Variants in MARCO observed in about 807,000 individuals in gnomAD.
The protein encoded by MARCO is macrophage receptor MARCO.
MARCO carries 72 observed loss-of-function variants against 70.0 expected under a neutral mutation model. The ratio of observed to expected loss-of-function variants is 1.03; its 90% CI spans 0.85 to 1.25. The LOEUF (loss-of-function observed/expected upper bound fraction) is 1.25, where lower values mean the gene tolerates loss of function less well. Among genes scored for constraint, MARCO ranks in the 50% most tolerant of loss-of-function variants. The probability of loss-of-function intolerance (pLI) is 0.00; values close to 1 mark genes in which losing one functional copy is unlikely to be tolerated. For synonymous variants in MARCO, 273 were observed against 243.1 expected (o/e 1.12, Z -1.14); for missense variants, 696 against 659.3 (o/e 1.06, Z -0.61).
chr2:118,957,994 T>C (rs1184178809), intron 1 of MARCO, among the ~76,000 whole-genome samples: 3 of 151,936 alleles, frequency 2.0e-5, no homozygotes, highest in South Asian at 4.2e-4. Context: ...ATACAAGGGA[T>C]ATACCTTAAT....
intron 1 of MARCO, among the ~76,000 whole-genome samples, chr2:118,957,015 A>G (rs1234336367): frequency 1.3e-5 from 2 of 152,034 alleles, no homozygotes; most frequent in Non-Finnish European, 2.9e-5. Flanking sequence ...GAAAGTTCAT[A>G]CTCCTAAAGA....
In MARCO at chr2:118,994,390, C is replaced by G. The variant is rs1409481585; in HGVS notation, c.1433C>G (p.Thr478Ser). ...GRALYKVGAG[T>S]GQIWLDNVQC... is the part of the protein sequence containing the mutation. ...CTCTTGCTTTCTCTCTATCAAGGCA[C>G]TGGGCAGATCTGGCTGGATAATGTT... is the stretch of plus-strand genomic sequence containing the variant. Residue 478 changes from threonine to serine, a missense_variant, in exon 17 of 17, where the codon ACT becomes AGT. Physicochemically the swap from Thr to Ser is moderately conservative, Grantham distance 58 (BLOSUM62 1). This residue lies in a region of MARCO where 58 missense variants were observed against 62.1 expected (regional missense o/e 0.93). Transcript: ENST00000327097. The G allele has an allele frequency of 6.2e-7, 1 of 1,614,148 alleles. No individual in the cohort carries two copies. Among genetic ancestry groups the G allele is most frequent in the Non-Finnish European group, 8.5e-7 (1 of 1,180,030 alleles).
chr2:118,953,550 G>A (rs982431257), intron 1 of MARCO, among the ~76,000 whole-genome samples: 1 of 152,146 alleles, frequency 6.6e-6, no homozygotes, highest in African/African-American at 2.4e-5. Context: ...GGAGGTGGGG[G>A]GAACGATGGT....
intron 6 of MARCO, 135 bp downstream of exon 6, chr2:118,974,700 G>A (rs1680245641): frequency 1.2e-6 from 1 of 861,966 alleles, no homozygotes; most frequent in Non-Finnish European, 1.8e-6. Context: ...CCTGGTGGGA[G>A]ACCCCAGAGG....
At chr2:118,986,295 T>G (rs1214734352) in intron 12 of MARCO, among the ~76,000 whole-genome samples, 6 of 152,008 alleles carry the variant, frequency 3.9e-5, no homozygotes, top group African/African-American at 9.7e-5. Flanking sequence ...CAAGTTGGCA[T>G]GGTATTTAGG....
At chr2:118,981,105 A>G (rs1452756811) in intron 8 of MARCO, among the ~76,000 whole-genome samples, 1 of 152,190 alleles carries the variant, frequency 6.6e-6, no homozygotes, top group African/African-American at 2.4e-5. Flanking sequence ...TGCAGACACT[A>G]AAACAAGCCA....
chr2:118,964,207 T>C (rs957748873), intron 1 of MARCO, among the ~76,000 whole-genome samples: 1 of 152,246 alleles, frequency 6.6e-6, no homozygotes, highest in Admixed American at 6.5e-5. Context: ...TTACATTCAC[T>C]GAACACCACA....
intron 12 of MARCO, among the ~76,000 whole-genome samples, chr2:118,983,239 G>T (rs918148592): frequency 2.0e-5 from 3 of 152,226 alleles, no homozygotes; most frequent in African/African-American, 7.2e-5. Flanking sequence ...TCTGTAGACA[G>T]TCTGCCTCCA....
chr2:118,986,288 G>T (rs1027188408), intron 12 of MARCO, among the ~76,000 whole-genome samples: 5 of 152,062 alleles, frequency 3.3e-5, no homozygotes, highest in African/African-American at 1.2e-4. Flanking sequence ...TAGCCTCCAA[G>T]TTGGCATGGT....
At chr2:118,957,234 G>T (rs374198846) in intron 1 of MARCO, among the ~76,000 whole-genome samples, 1 of 151,760 alleles carries the variant, frequency 6.6e-6, no homozygotes, top group Admixed American at 6.6e-5. Context: ...TTGATAGACC[G>T]TTAACAAGAT....
chr2:118,955,125 A>G (rs1287046298), intron 1 of MARCO, among the ~76,000 whole-genome samples: 2 of 152,158 alleles, frequency 1.3e-5, no homozygotes, highest in Non-Finnish European at 2.9e-5. Flanking sequence ...CTGAAAAAAA[A>G]TTCAGGAGGT....
intron 12 of MARCO, 34 bp downstream of exon 12, chr2:118,982,444 T>C (rs1406777809): frequency 6.3e-7 from 1 of 1,599,612 alleles, no homozygotes; most frequent in Non-Finnish European, 8.6e-7. Flanking sequence ...GTAGGTGGGC[T>C]TGCTGGGTGG....
At chr2:118,943,052 C>T (rs1446373807) in intron 1 of MARCO, among the ~76,000 whole-genome samples, 1 of 152,152 alleles carries the variant, frequency 6.6e-6, no homozygotes, top group African/African-American at 2.4e-5. Flanking sequence ...GCTTGCATTC[C>T]ACAAATGAGC....
rs756208432 is a variant in MARCO, at chr2:118,982,376, A to G, written c.1029A>G (p.Gly343=). 5.6e-6 allele frequency: 9 copies of G among 1,613,908 alleles called. No individual in the cohort carries two copies. The Admixed American group carries it at 1.5e-4, about 27-fold the overall frequency. Residue 343 remains glycine, a synonymous_variant, in exon 12 of 17, where the codon GGA becomes GGG. Coordinates refer to ENST00000327097, the MANE Select transcript of MARCO (RefSeq NM_006770.4). The part of the protein sequence containing the change: ...AGLPGSPGSP[G]ATGLKGSKGD... Reference sequence around the variant, plus strand: ...TTCCAGGGAGCCCCGGGAGTCCAGGAGCCACAGGCCTGAAAGGAAGCAAAG... The same window carrying G: ...TTCCAGGGAGCCCCGGGAGTCCAGGGGCCACAGGCCTGAAAGGAAGCAAAG...
intron 3 of MARCO, 93 bp downstream of exon 3, chr2:118,970,431 C>A: frequency 3.1e-6 from 3 of 965,524 alleles, no homozygotes; most frequent in Non-Finnish European, 3.1e-6. Context: ...CCTGTCCAAG[C>A]AAAGTGTGAC....
At chr2:118,990,719 T>G in intron 13 of MARCO, 86 bp downstream of exon 13, 2 of 1,319,958 alleles carry the variant, frequency 1.5e-6, no homozygotes, top group Non-Finnish European at 1.1e-6. Context: ...TGACATTGAA[T>G]GCACAGCTGT....
At chr2:118,952,995 G>T (rs896405393) in intron 1 of MARCO, 4 of 152,214 alleles carry the variant, frequency 2.6e-5, no homozygotes. Context: ...CTTGAACAAA[G>T]GAAAAGCAGA....
Position 118,988,979 on chromosome 2 carries a change from G to A in MARCO, c.1064-1610G>A, listed in dbSNP as rs116161436. Among the ~76,000 whole-genome samples the A allele has an allele frequency of 6.5e-3, 992 of 152,296 alleles. 3 individuals carry two copies. Among genetic ancestry groups the A allele is most frequent in the Non-Finnish European group, 0.011 (743 of 68,036 alleles). ...TACAACTGCCTCAGGAGGCAAACAA[G>A]GAGACTCAGAGAAGGAAACTGAGGC... On this transcript the variant is annotated intron_variant, in intron 12 of 16. Coordinates refer to ENST00000327097, the MANE Select transcript of MARCO (RefSeq NM_006770.4).
chr2:118,983,819 G>T (rs1680437280), intron 12 of MARCO, among the ~76,000 whole-genome samples: 1 of 151,886 alleles, frequency 6.6e-6, no homozygotes, highest in African/African-American at 2.4e-5. Context: ...CACCCCCACT[G>T]CCAGACTAAC....
Sources: gnomAD v4.1 joint callset for allele counts (sites outside exome capture counted in the v4.1 genomes callset) on GRCh38, gnomAD v4.1.1 for gene constraint, gnomAD v4.1.1 regional missense constraint, MANE v1.5 for transcripts, NCBI Gene and HGNC (gene_info 2026-07-23, HGNC 2026-07-21) for gene names.